Variants in EXOC1L observed in about 807,000 individuals in gnomAD.
EXOC1L encodes exocyst complex component 1-like.
A neutral mutation model predicts 4.9 loss-of-function variants in EXOC1L; 10 were observed. The ratio of observed to expected loss-of-function variants is 2.02; its 90% confidence interval spans 1.25 to 3.43. The LOEUF is 3.43. EXOC1L is among the 30% of genes most tolerant of loss of function. The probability of loss-of-function intolerance (pLI) is 0.00; values close to 1 mark genes in which losing one functional copy is unlikely to be tolerated. For synonymous variants in EXOC1L, 41 were observed against 20.8 expected (o/e 1.97, Z -2.63); for missense variants, 114 against 59.4 (o/e 1.92, Z -3.02).
intron 1 of EXOC1L, among the ~76,000 whole-genome samples, chr4:55,827,944 T>G (rs1719926695): frequency 6.6e-6 from 1 of 152,150 alleles, no homozygotes; most frequent in Admixed American, 6.5e-5. Flanking sequence ...AGACGGAAAC[T>G]TTTTAGTGCT....
intron 2 of EXOC1L, among the ~76,000 whole-genome samples, chr4:55,833,650 C>T (rs1260069263): frequency 6.6e-6 from 1 of 151,794 alleles, no homozygotes; most frequent in Non-Finnish European, 1.5e-5. Flanking sequence ...TCAAATATTA[C>T]CGATGTTATC....
In EXOC1L at chr4:55,822,776, A is replaced by G. The variant is rs140292898; in HGVS notation, c.121+2629A>G. Among the ~76,000 whole-genome samples the G allele has an allele frequency of 4.7e-3, 709 of 152,292 alleles. 8 individuals are homozygous for G. The highest frequency in any genetic ancestry group is 0.016 in the African/African-American group (675 of 41,568). On this transcript the variant is annotated intron_variant, in intron 1 of 2. Coordinates refer to ENST00000636125, the MANE Select transcript of EXOC1L (RefSeq NM_001351574.3). ...CTGAAACAGAAATAAAAACACTTAT[A>G]TCTGCCCACAGTGCTCCCCTGTTAA...
intron 1 of EXOC1L, among the ~76,000 whole-genome samples, chr4:55,829,400 A>T (rs1247271710): frequency 6.6e-6 from 1 of 152,190 alleles, no homozygotes; most frequent in Non-Finnish European, 1.5e-5. Flanking sequence ...AGGTGGTGTC[A>T]TGATTTAACT....
intron 1 of EXOC1L, among the ~76,000 whole-genome samples, chr4:55,830,599 G>A (rs1418735738): frequency 6.6e-6 from 1 of 150,746 alleles, no homozygotes; most frequent in African/African-American, 2.5e-5. Flanking sequence ...GTGTATATAA[G>A]ACCAAATGAT....
At chr4:55,826,915 C>T (rs986525082) in intron 1 of EXOC1L, among the ~76,000 whole-genome samples, 5 of 152,190 alleles carry the variant, frequency 3.3e-5, no homozygotes, top group African/African-American at 1.2e-4. Flanking sequence ...GTTAATGGGA[C>T]AGTGACCATT....
chr4:55,821,251 T>G (rs1194730459), intron 1 of EXOC1L, among the ~76,000 whole-genome samples: 1 of 152,156 alleles, frequency 6.6e-6, no homozygotes, highest in Non-Finnish European at 1.5e-5. Context: ...CACTTTAGCA[T>G]ATTTTGCTAT....
chr4:55,827,645 G>A (rs1268195029), intron 1 of EXOC1L, among the ~76,000 whole-genome samples: 1 of 152,180 alleles, frequency 6.6e-6, no homozygotes, highest in African/African-American at 2.4e-5. Context: ...AGATGAGGCA[G>A]TGGAATTTGC....
At chr4:55,834,951 A>T (rs1002222160) in intron 2 of EXOC1L, among the ~76,000 whole-genome samples, 28 of 151,800 alleles carry the variant, frequency 1.8e-4, no homozygotes, top group African/African-American at 5.1e-4. Flanking sequence ...AACTGTACCC[A>T]ATGTGTAGTC....
chr4:55,824,911 G>C (rs1719843455), intron 1 of EXOC1L, among the ~76,000 whole-genome samples: 1 of 152,116 alleles, frequency 6.6e-6, no homozygotes, highest in African/African-American at 2.4e-5. Flanking sequence ...TTTCCCAGTG[G>C]CTAATCTATT....
chr4:55,820,325 T>C (rs1459579356), intron 1 of EXOC1L, among the ~76,000 whole-genome samples, 178 bp downstream of exon 1: 1 of 152,166 alleles, frequency 6.6e-6, no homozygotes, highest in Non-Finnish European at 1.5e-5. Context: ...TTTAGAGTGT[T>C]AAAAATGAAA....
At position 55,828,368 on chromosome 4, in the gene EXOC1L, A is replaced by G. The variant is rs372208924; in HGVS notation, c.122-2966A>G. Among the ~76,000 whole-genome samples, 11 of 152,144 alleles carry G rather than the reference A, an allele frequency of 7.2e-5. No homozygotes were observed. In the East Asian group the frequency reaches 9.7e-4, roughly 13 times the overall value. ...AGGGCTGAACTCTGCCTTACCTAAT[A>G]AAGGGACTTAACGGGATTGTCTCCA... is the stretch of plus-strand genomic sequence containing the variant. On this transcript the variant is annotated intron_variant, in intron 1 of 2. Transcript: ENST00000636125.
At position 55,832,357 on chromosome 4, in the gene EXOC1L, G is replaced by A. The variant is rs188022016; in HGVS notation, c.252+893G>A. Among the ~76,000 whole-genome samples, 48 of 152,096 alleles carry A rather than the reference G, an allele frequency of 3.2e-4. 1 individual carries two copies. The highest frequency in any genetic ancestry group is 3.1e-3 in the Admixed American group (48 of 15,252). ...ATTCTTAATCTTAATAAATGCCATA[G>A]TCTTCATTTGGCCTATTGTTCCAAC... On this transcript the variant is annotated intron_variant, in intron 2 of 2. Transcript: ENST00000636125.
In EXOC1L at chr4:55,833,294, T is replaced by C. The variant is rs150110499; in HGVS notation, c.252+1830T>C. ...AAAAATCAGCTAAATATAAAACTTT[T>C]CTAAAATATTACATCAATTTTGCAT... On this transcript the variant is annotated intron_variant, in intron 2 of 2. Coordinates refer to ENST00000636125, the MANE Select transcript of EXOC1L (RefSeq NM_001351574.3). 1.8e-3 allele frequency among the ~76,000 whole-genome samples: 267 copies of C among 152,022 alleles called. 1 individual carries two copies. Among genetic ancestry groups the C allele is most frequent in the African/African-American group, 6.1e-3 (254 of 41,552 alleles).
Position 55,837,306 on chromosome 4 carries a change from C to T in EXOC1L, c.474C>T (p.Tyr158=), listed in dbSNP as rs140769051. 9.5e-4 allele frequency: 635 copies of T among 666,994 alleles called. No homozygotes were observed. The highest frequency in any genetic ancestry group is 1.5e-3 in the Non-Finnish European group (553 of 364,732). The allele number at this position is 666,994 out of a possible 1,614,324, so 41.3% of individuals were successfully genotyped here. ...DCLVLMRICF[Y]AFNLVCLSLC... ...TGGTCCTTATGAGAATATGCTTTTA[C>T]GCTTTCAATCTTGTGTGCTTGTCCC... The change falls in exon 3 of 3, where the codon TAC becomes TAT. Residue 158 remains tyrosine (Y), a synonymous_variant. Coordinates refer to ENST00000636125, the MANE Select transcript of EXOC1L (RefSeq NM_001351574.3).
chr4:55,831,392 T>C lies in EXOC1L; in HGVS notation c.180T>C (p.Asp60=), dbSNP rs1403251948. 1 of 693,154 alleles carries C rather than the reference T, an allele frequency of 1.4e-6. No homozygotes were observed. Among genetic ancestry groups the C allele is most frequent in the Admixed American group, 2.1e-5 (1 of 48,158 alleles). The allele number at this position is 693,154 out of a possible 1,614,324, so 42.9% of individuals were successfully genotyped here. ...VMVKHYRIGL[D]EKYEVTKKWS... ...TGAAACACTACAGAATAGGTTTAGA[T>C]GAAAAATATGAAGTAACAAAAAAGT... The change falls in exon 2 of 3, where the codon GAT becomes GAC. Residue 60 remains aspartate, a synonymous_variant. Coordinates refer to ENST00000636125, the MANE Select transcript of EXOC1L (RefSeq NM_001351574.3).
rs553546022 is a variant in EXOC1L at position 55,824,254 on chromosome 4, G to GTCTC, written c.121+4124_121+4127dup. The stretch of plus-strand genomic sequence containing the variant: ...GTTCAAGACTCTATATTTTTTTCAA[G>GTCTC]TCTCTCTCTCTCTCTCTCTCACACA... On this transcript the variant is annotated intron_variant, in intron 1 of 2. Transcript: ENST00000636125. 8.1e-4 allele frequency among the ~76,000 whole-genome samples: 117 copies of GTCTC among 143,896 alleles called. 2 individuals are homozygous for GTCTC. The highest frequency in any genetic ancestry group is 4.5e-4 in the South Asian group (2 of 4,442). 94.4% of individuals were successfully genotyped at this position (143,896 alleles called of 152,430 possible).
chr4:55,823,703 GT>G (rs1345180165), intron 1 of EXOC1L, among the ~76,000 whole-genome samples: 13 of 135,016 alleles, frequency 9.6e-5, no homozygotes, highest in African/African-American at 3.3e-4. Context: ...TTGTTTGTTT[GT>G]TTGTTTGTTC....
At chr4:55,827,141 C>T (rs879318890) in intron 1 of EXOC1L, among the ~76,000 whole-genome samples, 4 of 152,208 alleles carry the variant, frequency 2.6e-5, no homozygotes, top group Non-Finnish European at 4.4e-5. Flanking sequence ...TCTTCTCAGC[C>T]TGGTATTCTA....
At chr4:55,822,769 C>T (rs1289104912) in intron 1 of EXOC1L, among the ~76,000 whole-genome samples, 2 of 152,250 alleles carry the variant, frequency 1.3e-5, no homozygotes, top group Admixed American at 6.5e-5. Flanking sequence ...GAAATAAAAA[C>T]ACTTATATCT....
Sources: gnomAD v4.1 joint callset for allele counts (sites outside exome capture counted in the v4.1 genomes callset) on GRCh38, gnomAD v4.1.1 for gene constraint, MANE v1.5 for transcripts, NCBI Gene and HGNC (gene_info 2026-07-23, HGNC 2026-07-21) for gene names.